The following CELF4 variants were observed in gnomAD, a reference collection of about 807,000 sequenced individuals.
CELF4 encodes the protein CUG-BP- and ETR-3-like factor 4.
In CELF4, 18 loss-of-function variants were observed where a neutral mutation model predicts 59.9. The ratio of observed to expected loss-of-function variants is 0.30; its 90% CI spans 0.21 to 0.45. CELF4 has a LOEUF of 0.45. CELF4 is among the 20% of genes least tolerant of loss of function. The pLI is 1.00. For missense variants in CELF4, 456 were observed against 689.0 expected (o/e 0.66, Z 3.79); for synonymous variants, 261 against 267.1 (o/e 0.98, Z 0.22).
chr18:37,486,505 G>C (rs1446003255), intron 1 of CELF4, among the ~76,000 whole-genome samples: 1 of 152,228 alleles, frequency 6.6e-6, no homozygotes, highest in Non-Finnish European at 1.5e-5. Flanking sequence ...GTGGGGATGG[G>C]GGAGTCTTTC....
At chr18:37,562,886 A>T (rs973500180) in intron 1 of CELF4, among the ~76,000 whole-genome samples, 2 of 152,130 alleles carry the variant, frequency 1.3e-5, no homozygotes, top group Non-Finnish European at 2.9e-5. Flanking sequence ...AGGAAGTTTC[A>T]CTGGGAAAAA....
intron 2 of CELF4, among the ~76,000 whole-genome samples, chr18:37,394,818 C>T (rs2099220614): frequency 6.6e-6 from 1 of 152,160 alleles, no homozygotes; most frequent in Non-Finnish European, 1.5e-5. Context: ...TCCTGACCTG[C>T]TCTTGCAGTG....
At chr18:37,509,422 TTGACCCAAGA>T (rs113512078) in intron 1 of CELF4, among the ~76,000 whole-genome samples, 3,574 of 152,356 alleles carry the variant, frequency 0.023, 137 homozygotes, top group African/African-American at 0.08. Flanking sequence ...TTTCATTTGG[TTGACCCAAGA>T]CTTGATCTAT....
chr18:37,565,595 G>A lies in CELF4; in HGVS notation c.47C>T (p.Ala16Val). 1 of 1,610,518 alleles carries A rather than the reference G, an allele frequency of 6.2e-7. No individual in the cohort carries two copies. Among genetic ancestry groups the A allele is most frequent in the Non-Finnish European group, 8.5e-7 (1 of 1,177,838 alleles). The change falls in exon 1 of 13, where the codon GCA (alanine) becomes GTA (valine). Residue 16 changes from alanine to valine, a missense_variant. Coordinates refer to ENST00000420428, the MANE Select transcript of CELF4 (RefSeq NM_020180.4). ...GCCGAGCCCGTTGGTACTGAGGCTTGCGTTGTCAGCCTGTCCGTTTGCTAA... is the reference window on the plus strand; with the variant it reads ...GCCGAGCCCGTTGGTACTGAGGCTTACGTTGTCAGCCTGTCCGTTTGCTAA... Reference protein sequence around the residue: ...ATLANGQADNASLSTNGLGSS... With the variant: ...ATLANGQADNVSLSTNGLGSS...
chr18:37,303,530 G>A (rs2096210440), intron 3 of CELF4, among the ~76,000 whole-genome samples: 4 of 152,214 alleles, frequency 2.6e-5, no homozygotes, highest in Admixed American at 2.0e-4. Flanking sequence ...CAGACCAAAT[G>A]AGAATCGGGG....
chr18:37,293,137 C>T (rs1399226926), intron 3 of CELF4, among the ~76,000 whole-genome samples: 1 of 152,200 alleles, frequency 6.6e-6, no homozygotes, highest in African/African-American at 2.4e-5. Flanking sequence ...CATCCTCAGC[C>T]CAGGCTCCTT....
intron 2 of CELF4, among the ~76,000 whole-genome samples, chr18:37,382,335 C>T (rs968896978): frequency 6.6e-6 from 1 of 152,236 alleles, no homozygotes; most frequent in Non-Finnish European, 1.5e-5. Flanking sequence ...TTCTCTGCCT[C>T]TCTTAGCAGG....
At chr18:37,396,155 C>A (rs961974799) in intron 2 of CELF4, among the ~76,000 whole-genome samples, 2 of 152,238 alleles carry the variant, frequency 1.3e-5, no homozygotes, top group Non-Finnish European at 1.5e-5. Context: ...TGCAAGAAGA[C>A]TCTGACTTGT....
intron 10 of CELF4, 50 bp from the exon 11 acceptor site, chr18:37,259,314 G>T (rs2072658726): frequency 1.4e-6 from 1 of 726,162 alleles, no homozygotes. Flanking sequence ...GCAGGGTGGG[G>T]GAAGAGAGAG....
At position 37,254,126 on chromosome 18, in the gene CELF4, C is replaced by T. The variant is rs1018961415; in HGVS notation, c.1334-188G>A. 1.0e-4 allele frequency: 25 copies of T among 248,656 alleles called. No homozygotes were observed. The highest frequency in any genetic ancestry group is 4.0e-4 in the Admixed American group (7 of 17,478). The allele number at this position is 248,656 out of a possible 1,614,324, so 15.4% of individuals were successfully genotyped here. A position where few individuals can be genotyped will look rare whatever the true frequency, so the allele number is the denominator to read the frequency against. ...CGCGCGTGCTAGGCCCCTCCGGGGG[C>T]AGGCGCTGGCGGGGACCCGGCTCGC... On this transcript the variant is annotated intron_variant, in intron 11 of 12. Coordinates refer to ENST00000420428, the MANE Select transcript of CELF4 (RefSeq NM_020180.4). The surrounding 1 kb of genome is among the most constrained non-coding windows in gnomAD (Gnocchi z 5.1).
intron 1 of CELF4, among the ~76,000 whole-genome samples, chr18:37,502,441 C>T (rs2099932868): frequency 6.6e-6 from 1 of 152,114 alleles, no homozygotes; most frequent in African/African-American, 2.4e-5. Flanking sequence ...GGCTCTGCTT[C>T]TTTTCTTCCT....
intron 3 of CELF4, among the ~76,000 whole-genome samples, chr18:37,295,587 G>C (rs1439092986): frequency 6.6e-6 from 1 of 152,212 alleles, no homozygotes; most frequent in Non-Finnish European, 1.5e-5. Flanking sequence ...CTCTTGCAAT[G>C]CACCAGTCAT....
At chr18:37,453,693 G>C (rs1344780415) in intron 2 of CELF4, among the ~76,000 whole-genome samples, 1 of 152,156 alleles carries the variant, frequency 6.6e-6, no homozygotes, top group Non-Finnish European at 1.5e-5. Flanking sequence ...GGCCTGCCTG[G>C]GGTGGAATTC....
intron 2 of CELF4, among the ~76,000 whole-genome samples, chr18:37,448,904 A>G (rs1267000176): frequency 6.6e-6 from 1 of 152,172 alleles, no homozygotes; most frequent in African/African-American, 2.4e-5. Context: ...CGCCACAGCC[A>G]CTGGCCAGGC....
rs1033822154 is a variant in CELF4 at position 37,246,168 on chromosome 18, C to T, written c.*45-971G>A. On this transcript the variant is annotated intron_variant, in intron 12 of 12. Transcript: ENST00000420428. The surrounding 1 kb of genome is among the most constrained non-coding windows in gnomAD (Gnocchi z 5.3). ...ACTGGTTACATCAAGAAAGTTAGAA[C>T]TGCAAAGCCCCCACTTGAGGGGACA... Among the ~76,000 whole-genome samples the T allele has an allele frequency of 6.6e-6, 1 of 152,228 alleles. No homozygotes were observed. The highest frequency in any genetic ancestry group is 1.5e-5 in the Non-Finnish European group (1 of 68,028).
chr18:37,375,145 G>A (rs2154566608), intron 2 of CELF4, among the ~76,000 whole-genome samples: 1 of 152,268 alleles, frequency 6.6e-6, no homozygotes, highest in South Asian at 2.1e-4. Flanking sequence ...GCCCGTGGGT[G>A]CATGTGTGTG....
At chr18:37,364,131 A>G (rs1331272528) in intron 2 of CELF4, among the ~76,000 whole-genome samples, 2 of 152,176 alleles carry the variant, frequency 1.3e-5, no homozygotes, top group African/African-American at 2.4e-5. Flanking sequence ...GGGATTTCCA[A>G]TGAGGCACGA....
chr18:37,422,363 C>G (rs537985990), intron 2 of CELF4, among the ~76,000 whole-genome samples: 6 of 152,308 alleles, frequency 3.9e-5, no homozygotes, highest in African/African-American at 1.2e-4. Context: ...GTGAAACAAA[C>G]AAGACATTTA....
chr18:37,327,610 G>A, intron 2 of CELF4, among the ~76,000 whole-genome samples: 1 of 152,174 alleles, frequency 6.6e-6, no homozygotes, highest in East Asian at 1.9e-4. Context: ...AGCCTCCCTT[G>A]TCCTTCACTG....
Sources: allele counts gnomAD v4.1 joint callset (sites outside exome capture counted in the v4.1 genomes callset), GRCh38; gene constraint gnomAD v4.1.1; non-coding constraint Gnocchi (gnomAD v3.1); transcripts MANE v1.5; gene names NCBI Gene and HGNC (gene_info 2026-07-23, HGNC 2026-07-21).